Variants in DOCK10 observed in about 807,000 individuals in gnomAD.
The protein encoded by DOCK10 is dedicator of cytokinesis 10.
In DOCK10, 145 loss-of-function variants were observed where a neutral mutation model predicts 280.1. That is an observed-to-expected ratio of 0.52 (90% confidence interval 0.45 to 0.59). The LOEUF is 0.59. DOCK10 is among the 20% of genes least tolerant of loss of function. DOCK10 has a pLI of 0.00. For missense variants in DOCK10, 2,368 were observed against 2,651.7 expected, an observed-to-expected ratio of 0.89 and a Z score of 2.35; for synonymous variants, 915 against 942.2, an observed-to-expected ratio of 0.97 and a Z score of 0.53.
intron 7 of DOCK10, among the ~76,000 whole-genome samples, chr2:224,883,492 AAATTAATGGAAG>A (rs1699094324): frequency 6.6e-6 from 1 of 152,226 alleles, no homozygotes; most frequent in African/African-American, 2.4e-5. Context: ...GTGACCTTTG[AAATTAATGGAAG>A]AATTAGGGGA....
rs572668001 is a variant in DOCK10, at chr2:224,855,206, G to A, written c.1809-164C>T. ...ATAATCTTGTGAATGATTTTATTTA[G>A]CTAGTTTAATTTTGCAAACTAAAAT... On this transcript the variant is annotated intron_variant, in intron 15 of 55. Transcript: ENST00000258390. Among the ~76,000 whole-genome samples the A allele has an allele frequency of 1.8e-4, 27 of 152,100 alleles. No individual in the cohort carries two copies. In the East Asian group the frequency reaches 4.6e-3, roughly 26 times the overall value.
At chr2:225,037,470 C>T (rs1690292255) in intron 1 of DOCK10, among the ~76,000 whole-genome samples, 1 of 152,088 alleles carries the variant, frequency 6.6e-6, no homozygotes, top group Non-Finnish European at 1.5e-5. Flanking sequence ...TACTCATATC[C>T]ACCGATTTGA....
At chr2:224,767,818 G>A (rs994746055) in intron 55 of DOCK10, among the ~76,000 whole-genome samples, 1 of 152,110 alleles carries the variant, frequency 6.6e-6, no homozygotes, top group African/African-American at 2.4e-5. Context: ...CGGCTATTGA[G>A]CAGACAGCAG....
At chr2:224,863,300 A>C (rs1262940488) in intron 13 of DOCK10, among the ~76,000 whole-genome samples, 1 of 152,202 alleles carries the variant, frequency 6.6e-6, no homozygotes, top group Non-Finnish European at 1.5e-5. Context: ...TGGCCTGCAC[A>C]CCATAGTTTG....
At chr2:224,811,305 A>G (rs941081356) in intron 31 of DOCK10, among the ~76,000 whole-genome samples, 5 of 152,072 alleles carry the variant, frequency 3.3e-5, no homozygotes, top group Admixed American at 3.3e-4. Flanking sequence ...GTCTGTTCAT[A>G]TGCTTTGCCC....
At chr2:225,001,289 C>CAT (rs754666714) in intron 1 of DOCK10, among the ~76,000 whole-genome samples, 3 of 128,280 alleles carry the variant, frequency 2.3e-5, no homozygotes, top group Non-Finnish European at 4.8e-5. Flanking sequence ...TACAACAGAC[C>CAT]TTTTTTTTTT....
intron 28 of DOCK10, among the ~76,000 whole-genome samples, chr2:224,821,623 A>G (rs1261215187): frequency 6.6e-6 from 1 of 152,166 alleles, no homozygotes; most frequent in Admixed American, 6.5e-5. Context: ...TCAAATTAGT[A>G]ATAAGGAGGG....
At chr2:224,916,563 G>C in intron 3 of DOCK10, 132 bp downstream of exon 3, 2 of 290,028 alleles carry the variant, frequency 6.9e-6, no homozygotes, top group Non-Finnish European at 1.3e-5. Flanking sequence ...AAAAAAAAAA[G>C]ACATCCACTA....
chr2:225,009,344 CCTT>C (rs1689368050), intron 1 of DOCK10, among the ~76,000 whole-genome samples: 1 of 151,946 alleles, frequency 6.6e-6, no homozygotes. Flanking sequence ...AACAGTAAAA[CCTT>C]AAGAAGGGAA....
intron 9 of DOCK10, 74 bp from the exon 10 acceptor site, chr2:224,874,423 G>C (rs1175570149): frequency 1.9e-5 from 22 of 1,180,470 alleles, no homozygotes; most frequent in Non-Finnish European, 2.6e-5. Context: ...ACATGGCCAA[G>C]AAGCAGCCCC....
chr2:224,851,345 C>T (rs1696719174), intron 18 of DOCK10, among the ~76,000 whole-genome samples: 3 of 151,694 alleles, frequency 2.0e-5, no homozygotes. Context: ...ATCATTGCCT[C>T]TGTTTGCCTG....
chr2:224,988,553 T>A (rs1212337011), intron 1 of DOCK10, among the ~76,000 whole-genome samples: 1 of 152,166 alleles, frequency 6.6e-6, no homozygotes, highest in Admixed American at 6.6e-5. Flanking sequence ...ATTAAGTGAT[T>A]CCCTCAGAGA....
intron 1 of DOCK10, among the ~76,000 whole-genome samples, chr2:224,969,722 TGAGACAAAATAG>T (rs2126204184): frequency 6.6e-6 from 1 of 152,232 alleles, no homozygotes; most frequent in African/African-American, 2.4e-5. Context: ...TGGGCAAAAA[TGAGACAAAATAG>T]GATGGCCACT....
At chr2:224,809,914 T>C (rs916416649) in intron 31 of DOCK10, among the ~76,000 whole-genome samples, 15 of 147,878 alleles carry the variant, frequency 1.0e-4, no homozygotes, top group Admixed American at 9.7e-4. Context: ...AGCTAAGCTA[T>C]GGAAACCTAG....
In DOCK10 at chr2:224,926,590, G is replaced by A. The variant is rs7604871; in HGVS notation, c.243+4959C>T. On this transcript the variant is annotated intron_variant, in intron 2 of 55. Transcript: ENST00000258390. The stretch of plus-strand genomic sequence containing the variant: ...CTTTGCTGATATCAGCTATGAGCCA[G>A]GCACTATGTTAGAAGGAATGGGCCT... Among the ~76,000 whole-genome samples the A allele has an allele frequency of 5.4e-3, 820 of 152,296 alleles. 5 individuals carry two copies. The highest frequency in any genetic ancestry group is 0.018 in the African/African-American group (767 of 41,554).
chr2:224,995,453 T>C (rs1220720504), intron 1 of DOCK10, among the ~76,000 whole-genome samples: 1 of 152,232 alleles, frequency 6.6e-6, no homozygotes, highest in African/African-American at 2.4e-5. Flanking sequence ...ATTGAACACC[T>C]ATTATCTATC....
chr2:224,885,447 C>T (rs1005791045), intron 7 of DOCK10, among the ~76,000 whole-genome samples: 42 of 152,180 alleles, frequency 2.8e-4, no homozygotes, highest in Middle Eastern at 3.4e-3. Context: ...AAAAATTTAC[C>T]AGCTGATTCC....
intron 11 of DOCK10, among the ~76,000 whole-genome samples, chr2:224,865,429 G>A (rs1349685725): frequency 2.0e-5 from 3 of 152,164 alleles, no homozygotes; most frequent in Admixed American, 6.5e-5. Flanking sequence ...AATCCTAGAA[G>A]TTTCGAGACT....
At position 224,882,496 on chromosome 2, in the gene DOCK10, TTC is replaced by T. The variant is rs144992043; in HGVS notation, c.747+3173_747+3174del. On this transcript the variant is annotated intron_variant, in intron 7 of 55. Transcript: ENST00000258390. ...GTCTCTGAGAAAGCTGGGAAGGAGT[TTC>T]TCTCTACTTGAGCCACCCTTGTAAT... Among the ~76,000 whole-genome samples, 227 of 152,286 alleles carry T rather than the reference TTC, an allele frequency of 1.5e-3. 2 individuals are homozygous for T. The East Asian group carries it at 0.021, about 14-fold the overall frequency.
Sources: gnomAD v4.1 joint callset for allele counts (sites outside exome capture counted in the v4.1 genomes callset) on GRCh38, gnomAD v4.1.1 for gene constraint, MANE v1.5 for transcripts, NCBI Gene and HGNC (gene_info 2026-07-23, HGNC 2026-07-21) for gene names.